Variants in GPRIN3 observed in about 807,000 individuals in gnomAD.
GPRIN3 encodes the protein GPRIN family member 3.
Under a neutral mutation model 13.7 loss-of-function variants are expected in GPRIN3, and 12 were observed. That is an observed-to-expected ratio of 0.87 (90% CI 0.56 to 1.42). The LOEUF is 1.42. GPRIN3 is among the 40% of genes most tolerant of loss of function. The pLI is 0.00. For synonymous variants in GPRIN3, 377 were observed against 372.7 expected, an observed-to-expected ratio of 1.01 and a Z score of -0.13; for missense variants, 1,009 against 958.7, an observed-to-expected ratio of 1.05 and a Z score of -0.69.
intron 1 of GPRIN3, among the ~76,000 whole-genome samples, chr4:89,271,426 A>G (rs147478939): frequency 2.9e-3 from 447 of 152,250 alleles, no homozygotes; most frequent in Non-Finnish European, 4.3e-3. Flanking sequence ...AAATCCACGG[A>G]TGCTCAAGCC....
At chr4:89,264,408 G>T (rs550673508) in intron 1 of GPRIN3, among the ~76,000 whole-genome samples, 58 of 152,280 alleles carry the variant, frequency 3.8e-4, no homozygotes, top group Non-Finnish European at 6.3e-4. Flanking sequence ...ACAACCTGCA[G>T]AACTGTGAGT....
intron 1 of GPRIN3, among the ~76,000 whole-genome samples, chr4:89,279,583 T>A (rs183464319): frequency 1.8e-4 from 28 of 152,358 alleles, no homozygotes; most frequent in Middle Eastern, 6.8e-3. Context: ...TCATTTCTGC[T>A]ATTCCGCTGA....
intron 1 of GPRIN3, among the ~76,000 whole-genome samples, chr4:89,259,865 C>A (rs1723578190): frequency 6.6e-6 from 1 of 152,216 alleles, no homozygotes; most frequent in African/African-American, 2.4e-5. Flanking sequence ...CTGCTTTTAG[C>A]TCACATCAGA....
In GPRIN3 at chr4:89,241,012, T is replaced by C. The variant is rs755732460; in HGVS notation, c.*6768A>G. 3.3e-5 allele frequency: 5 copies of C among 152,318 alleles called. No individual in the cohort carries two copies. Among genetic ancestry groups the C allele is most frequent in the Non-Finnish European group, 4.4e-5 (3 of 68,022 alleles). 9.4% of individuals were successfully genotyped at this position (152,318 alleles called of 1,614,324 possible). On this transcript the variant is annotated 3_prime_UTR_variant, in exon 2 of 2. Transcript: ENST00000609438. ...GGTATGTACACAATCACACCCATAG[T>C]ATGTACATCCTAGTCACACACTTAA...
intron 1 of GPRIN3, among the ~76,000 whole-genome samples, chr4:89,261,488 T>G (rs937343514): frequency 3.3e-5 from 5 of 152,164 alleles, no homozygotes; most frequent in Non-Finnish European, 7.4e-5. Context: ...ATGATATAGT[T>G]TTCGGCTCTC....
intron 1 of GPRIN3, among the ~76,000 whole-genome samples, chr4:89,261,444 T>A (rs1723623508): frequency 6.6e-6 from 1 of 152,188 alleles, no homozygotes. Flanking sequence ...TGTGAGTTGA[T>A]GTAAGATAAC....
intron 1 of GPRIN3, among the ~76,000 whole-genome samples, chr4:89,290,830 T>C (rs1190616862): frequency 2.0e-5 from 3 of 152,144 alleles, no homozygotes; most frequent in South Asian, 2.1e-4. Context: ...GAGTATGAGG[T>C]TGGGGAGAGA....
chr4:89,301,546 A>T (rs1724897958), intron 1 of GPRIN3, among the ~76,000 whole-genome samples: 1 of 152,240 alleles, frequency 6.6e-6, no homozygotes, highest in Admixed American at 6.5e-5. Flanking sequence ...AACCAAAGTT[A>T]TACATTATAA....
intron 1 of GPRIN3, among the ~76,000 whole-genome samples, chr4:89,271,192 G>T (rs1015773803): frequency 6.6e-6 from 1 of 152,136 alleles, no homozygotes; most frequent in Non-Finnish European, 1.5e-5. Flanking sequence ...CTAGGAGGTA[G>T]AACTCATTTA....
intron 1 of GPRIN3, among the ~76,000 whole-genome samples, chr4:89,284,862 A>G (rs142797391): frequency 6.6e-6 from 1 of 152,328 alleles, no homozygotes; most frequent in East Asian, 1.9e-4. Flanking sequence ...GAATGAGACC[A>G]TCAGGCTAGG....
In GPRIN3 at chr4:89,263,404, G is replaced by A. The variant is rs114617319; in HGVS notation, c.-123-13171C>T. On this transcript the variant is annotated intron_variant, in intron 1 of 1. Transcript: ENST00000609438. Reference sequence around the variant, plus strand: ...ATCTCCATCCAGCCTGTGCACTGGCGGGAATGTGCACTGGGGTGGAGGCCC... The same window carrying A: ...ATCTCCATCCAGCCTGTGCACTGGCAGGAATGTGCACTGGGGTGGAGGCCC... Among the ~76,000 whole-genome samples the A allele has an allele frequency of 4.9e-3, 753 of 152,272 alleles. 5 individuals carry two copies. Among genetic ancestry groups the A allele is most frequent in the African/African-American group, 0.016 (662 of 41,550 alleles).
chr4:89,279,686 C>T (rs1724191803), intron 1 of GPRIN3, among the ~76,000 whole-genome samples: 2 of 152,228 alleles, frequency 1.3e-5, no homozygotes, highest in Admixed American at 1.3e-4. Context: ...CTGCAGCACT[C>T]CATATTCTGA....
intron 1 of GPRIN3, among the ~76,000 whole-genome samples, chr4:89,283,485 C>A (rs1253314249): frequency 1.3e-5 from 2 of 152,164 alleles, no homozygotes; most frequent in Non-Finnish European, 2.9e-5. Flanking sequence ...AGTAATCACA[C>A]AGATCATGGT....
At chr4:89,264,918 G>A (rs76490032) in intron 1 of GPRIN3, among the ~76,000 whole-genome samples, 223 of 152,272 alleles carry the variant, frequency 1.5e-3, no homozygotes, top group Middle Eastern at 6.8e-3. Flanking sequence ...AAGGGGGCAA[G>A]ATTTTGTCTT....
At chr4:89,263,510 C>T (rs1285412377) in intron 1 of GPRIN3, among the ~76,000 whole-genome samples, 1 of 152,152 alleles carries the variant, frequency 6.6e-6, no homozygotes, top group Admixed American at 6.5e-5. Flanking sequence ...AATGGCCAGG[C>T]AGGAAGCACT....
At chr4:89,299,521 T>G (rs915823933) in intron 1 of GPRIN3, among the ~76,000 whole-genome samples, 2 of 152,172 alleles carry the variant, frequency 1.3e-5, no homozygotes, top group African/African-American at 4.8e-5. Flanking sequence ...AAAGGGCATT[T>G]GTCTTTATTT....
intron 1 of GPRIN3, among the ~76,000 whole-genome samples, chr4:89,295,546 T>C (rs112663313): frequency 3.4e-4 from 51 of 152,144 alleles, no homozygotes; most frequent in African/African-American, 1.2e-3. Context: ...TTGGTGATGA[T>C]GAAGAGGGGG....
At position 89,239,546 on chromosome 4, in the gene GPRIN3, G is replaced by T. The variant is rs12504973; in HGVS notation, c.*8234C>A. 1.3e-5 allele frequency: 2 copies of T among 151,952 alleles called. No individual in the cohort carries two copies. The highest frequency in any genetic ancestry group is 4.8e-5 in the African/African-American group (2 of 41,380). The allele number at this position is 151,952 out of a possible 1,614,324, so 9.4% of individuals were successfully genotyped here. A position where few individuals can be genotyped will look rare whatever the true frequency, so the allele number is the denominator to read the frequency against. ...TTTAATATACAACGATGGCACATTCGTTCTCTAAAACATGAATATGTTTTT... is the reference window on the plus strand; with the variant it reads ...TTTAATATACAACGATGGCACATTCTTTCTCTAAAACATGAATATGTTTTT... On this transcript the variant is annotated 3_prime_UTR_variant, in exon 2 of 2. Transcript: ENST00000609438.
Position 89,278,802 on chromosome 4 carries a change from A to AAT in GPRIN3, c.-123-28570_-123-28569insAT, listed in dbSNP as rs1432320824. ...ATGTCTAAATATGGATTTGAACCCAAGCTGTGCAGCTCCAGAGTCTTAGGC... is the reference window on the plus strand; with the variant it reads ...ATGTCTAAATATGGATTTGAACCCAAATGCTGTGCAGCTCCAGAGTCTTAGGC... On this transcript the variant is annotated intron_variant, in intron 1 of 1. Coordinates refer to ENST00000609438, the MANE Select transcript of GPRIN3 (RefSeq NM_198281.3). Among the ~76,000 whole-genome samples, 230 of 152,312 alleles carry AAT rather than the reference A, an allele frequency of 1.5e-3. 2 individuals are homozygous for AAT. The highest frequency in any genetic ancestry group is 3.4e-3 in the Middle Eastern group (1 of 294).
Sources: allele counts gnomAD v4.1 joint callset (sites outside exome capture counted in the v4.1 genomes callset), GRCh38; gene constraint gnomAD v4.1.1; transcripts MANE v1.5; gene names NCBI Gene and HGNC (gene_info 2026-07-23, HGNC 2026-07-21).